Variants in GSE1 observed in about 807,000 individuals in gnomAD.
GSE1 encodes Gse1 coiled-coil protein, also known as genetic suppressor element 1.
Under a neutral mutation model 112.6 loss-of-function variants are expected in GSE1, and 32 were observed. The observed-to-expected ratio is 0.28, with a 90% confidence interval of 0.21 to 0.38. The LOEUF (loss-of-function observed/expected upper bound fraction) is 0.38. Ranked by LOEUF, GSE1 falls within the 10% of genes least tolerant of loss-of-function variation. The pLI, the probability that GSE1 is intolerant of heterozygous loss-of-function variation, is 1.00. For missense variants in GSE1, 2,348 were observed against 1,699.2 expected (o/e 1.38, Z -6.71); for synonymous variants, 1,115 against 735.6 (o/e 1.52, Z -8.35).
At chr16:85,297,861 G>A (rs913715096) in intron 1 of GSE1, among the ~76,000 whole-genome samples, 1 of 152,128 alleles carries the variant, frequency 6.6e-6, no homozygotes, top group African/African-American at 2.4e-5. Flanking sequence ...GCTGGGATAT[G>A]AAATCTCCAT....
chr16:85,609,192 C>T (rs1311032431), upstream of GSE1, among the ~76,000 whole-genome samples: 1 of 152,210 alleles, frequency 6.6e-6, no homozygotes, highest in Non-Finnish European at 1.5e-5. Flanking sequence ...GAAGTGTCCC[C>T]TCTGTCAGCA....
chr16:85,301,914 G>A (rs962633746), intron 1 of GSE1, among the ~76,000 whole-genome samples: 5 of 152,196 alleles, frequency 3.3e-5, no homozygotes, highest in African/African-American at 1.2e-4. Flanking sequence ...AGCCTTGTCT[G>A]GAAATCAGGG....
intron 2 of GSE1, among the ~76,000 whole-genome samples, chr16:85,469,707 T>A (rs1330250442): frequency 6.6e-6 from 1 of 152,174 alleles, no homozygotes; most frequent in East Asian, 1.9e-4. Flanking sequence ...AAAGTCACTT[T>A]CCCTCTCTTG....
Position 85,673,506 on chromosome 16 carries a change from G to A in GSE1, c.*967G>A, listed in dbSNP as rs922168321. The A allele has an allele frequency of 2.0e-5, 3 of 148,534 alleles. No homozygotes were observed. The highest frequency in any genetic ancestry group is 2.0e-4 in the East Asian group (1 of 5,048). 9.2% of individuals were successfully genotyped at this position (148,534 alleles called of 1,614,324 possible). A position where few individuals can be genotyped will look rare whatever the true frequency, so the allele number is the denominator to read the frequency against. On this transcript the variant is annotated 3_prime_UTR_variant, in exon 16 of 16. Transcript: ENST00000253458. ...AAAAAAAAAAAAAACCTTGCTTTTA[G>A]TGTTTGTACTGCTGCTGGTCAGGAC...
chr16:85,622,461 C>G (rs2048801927), intron 1 of GSE1, among the ~76,000 whole-genome samples: 1 of 152,184 alleles, frequency 6.6e-6, no homozygotes, highest in Non-Finnish European at 1.5e-5. Context: ...ACTTAGGGAA[C>G]TCTGTGCTGT....
intron 14 of GSE1, among the ~76,000 whole-genome samples, chr16:85,669,801 C>G (rs556824384): frequency 6.6e-6 from 1 of 152,308 alleles, no homozygotes; most frequent in East Asian, 1.9e-4. Flanking sequence ...TTAACTGTAC[C>G]TTTCCCACCC....
intron 1 of GSE1, among the ~76,000 whole-genome samples, chr16:85,194,344 C>T (rs766106548): frequency 1.6e-4 from 24 of 152,136 alleles, no homozygotes; most frequent in Non-Finnish European, 2.8e-4. Flanking sequence ...CCAGTGGATT[C>T]GCTTAACGTC....
At chr16:85,378,028 T>C (rs1332178652) in intron 2 of GSE1, among the ~76,000 whole-genome samples, 2 of 152,112 alleles carry the variant, frequency 1.3e-5, no homozygotes, top group Non-Finnish European at 2.9e-5. Flanking sequence ...GGAACACATG[T>C]GGTCAAGTGG....
chr16:85,663,591 A>C lies in GSE1; in HGVS notation c.2621A>C (p.His874Pro), dbSNP rs774882577. ...TTCCTGACCATCTTCAACCTGACCCACATCAGCGCTGAGAAGAGGAAAGGT... is the reference window on the plus strand; with the variant it reads ...TTCCTGACCATCTTCAACCTGACCCCCATCAGCGCTGAGAAGAGGAAAGGT... The part of the protein sequence containing the change: ...KKFLTIFNLT[H>P]ISAEKRKDKE... The change falls in exon 11 of 16, where the codon CAC becomes CCC. Residue 874 changes from histidine to proline, a missense_variant. Physicochemically the swap from His to Pro is moderately conservative, Grantham distance 77. Coordinates refer to ENST00000253458, the MANE Select transcript of GSE1 (RefSeq NM_014615.5). 1 of 1,613,816 alleles carries C rather than the reference A, an allele frequency of 6.2e-7. No homozygotes were observed. The highest frequency in any genetic ancestry group is 1.1e-5 in the South Asian group (1 of 91,074).
chr16:85,352,487 GA>G (rs752240801), intron 1 of GSE1, among the ~76,000 whole-genome samples: 3 of 152,180 alleles, frequency 2.0e-5, no homozygotes, highest in Non-Finnish European at 2.9e-5. Context: ...GGGAGTGGGG[GA>G]TGCTGACATC....
At chr16:85,403,483 A>C (rs1375444970) in intron 2 of GSE1, among the ~76,000 whole-genome samples, 1 of 152,074 alleles carries the variant, frequency 6.6e-6, no homozygotes, top group Non-Finnish European at 1.5e-5. Flanking sequence ...TGACTCTTCA[A>C]GGGAGGGATA....
Position 85,655,834 on chromosome 16 carries a change from T to A in GSE1, c.906T>A (p.Ser302=). 1 of 1,610,216 alleles carries A rather than the reference T, an allele frequency of 6.2e-7. No homozygotes were observed. The highest frequency in any genetic ancestry group is 8.5e-7 in the Non-Finnish European group (1 of 1,179,320). Residue 302 remains serine (S), a synonymous_variant, in exon 6 of 16, where the codon TCT becomes TCA. Coordinates refer to ENST00000253458, the MANE Select transcript of GSE1 (RefSeq NM_014615.5). ...CATCAGCGATGCACCTGCACCTCTCTGGGGTCCGCTACCCTCCCGAGCTCT... is the reference window on the plus strand; with the variant it reads ...CATCAGCGATGCACCTGCACCTCTCAGGGGTCCGCTACCCTCCCGAGCTCT... ...LHPSAMHLHL[S]GVRYPPELSH...
At chr16:85,422,173 T>A (rs1342409793) in intron 2 of GSE1, among the ~76,000 whole-genome samples, 1 of 151,380 alleles carries the variant, frequency 6.6e-6, no homozygotes, top group Non-Finnish European at 1.5e-5. Flanking sequence ...CCTCCTCCCC[T>A]GGTCCCTGGC....
chr16:85,442,877 G>T (rs941398204), intron 2 of GSE1, among the ~76,000 whole-genome samples: 1 of 152,226 alleles, frequency 6.6e-6, no homozygotes, highest in Non-Finnish European at 1.5e-5. Context: ...TTCTCCTGGA[G>T]GTCCCCGGAG....
intron 13 of GSE1, 69 bp downstream of exon 13, chr16:85,666,416 A>ACAGCTGCT (rs1162900581): frequency 2.0e-6 from 3 of 1,511,398 alleles, no homozygotes; most frequent in East Asian, 4.5e-5. Flanking sequence ...GCTGAGCGCC[A>ACAGCTGCT]CAGCTGCTCA....
chr16:85,357,500 A>G, exon 2 of GSE1: 3 of 1,255,188 alleles, frequency 2.4e-6, no homozygotes, highest in Non-Finnish European at 3.1e-6. Flanking sequence ...GCAGCCAGCC[A>G]CCCTCCCACC....
At chr16:85,449,872 G>A (rs971448603) in intron 2 of GSE1, among the ~76,000 whole-genome samples, 1 of 152,204 alleles carries the variant, frequency 6.6e-6, no homozygotes, top group Non-Finnish European at 1.5e-5. Context: ...CCCTGGTGGG[G>A]AATAAAACAC....
intron 1 of GSE1, among the ~76,000 whole-genome samples, chr16:85,347,089 C>T (rs1029649287): frequency 3.9e-5 from 6 of 152,072 alleles, no homozygotes; most frequent in Non-Finnish European, 5.9e-5. Context: ...TCAGGAAGGC[C>T]GCTGCTCGGT....
At chr16:85,656,824 C>T (rs1295996184) in intron 7 of GSE1, among the ~76,000 whole-genome samples, 159 bp downstream of exon 7, 3 of 152,342 alleles carry the variant, frequency 2.0e-5, no homozygotes, top group Non-Finnish European at 2.9e-5. Flanking sequence ...GGAGCAGAGG[C>T]ACGTTGGCAC....
Sources: gnomAD v4.1 joint callset for allele counts (sites outside exome capture counted in the v4.1 genomes callset) on GRCh38, gnomAD v4.1.1 for gene constraint, MANE v1.5 for transcripts, NCBI Gene and HGNC (gene_info 2026-07-23, HGNC 2026-07-21) for gene names.